Variants in OTOGL observed in about 807,000 individuals in gnomAD.
OTOGL encodes the protein otogelin like, also known as otogelin-like protein.
Under a neutral mutation model 318.5 loss-of-function variants are expected in OTOGL, and 285 were observed. The ratio of observed to expected loss-of-function variants is 0.89; its 90% confidence interval spans 0.81 to 0.99. OTOGL has a LOEUF of 0.99. OTOGL is among the 50% of genes least tolerant of loss of function. OTOGL has a pLI of 0.00. For missense variants in OTOGL, 2,899 were observed against 2,845.6 expected (o/e 1.02, Z -0.43); for synonymous variants, 987 against 936.5 (o/e 1.05, Z -0.99).
At chr12:80,364,265 A>T (rs1890399861) in intron 52 of OTOGL, among the ~76,000 whole-genome samples, 4 of 152,134 alleles carry the variant, frequency 2.6e-5, no homozygotes, top group Admixed American at 2.6e-4. Context: ...GTTCCTGAGT[A>T]CTCACTCTGA....
chr12:80,235,324 G>C (rs1190841910), intron 9 of OTOGL, among the ~76,000 whole-genome samples: 1 of 151,936 alleles, frequency 6.6e-6, no homozygotes, highest in Non-Finnish European at 1.5e-5. Context: ...AATTAGCCAG[G>C]CGTGGTGGCA....
intron 24 of OTOGL, among the ~76,000 whole-genome samples, chr12:80,272,539 T>C (rs1292261352): frequency 6.6e-6 from 1 of 151,926 alleles, no homozygotes; most frequent in Non-Finnish European, 1.5e-5. Context: ...ACATATAATC[T>C]GGCCTCCCTG....
intron 26 of OTOGL, among the ~76,000 whole-genome samples, chr12:80,290,014 G>A (rs1429933348): frequency 6.6e-6 from 1 of 152,156 alleles, no homozygotes; most frequent in Non-Finnish European, 1.5e-5. Context: ...TTGAAACCTG[G>A]GGCCCTGGTG....
chr12:80,103,337 G>A, intron 1 of OTOGL: 8 of 1,493,210 alleles, frequency 5.4e-6, no homozygotes, highest in Non-Finnish European at 7.5e-6. Context: ...ACTTCATTTT[G>A]GCCGCTCCCG....
chr12:80,219,790 C>CTTTTTTTTTTTTTTTT, intron 5 of OTOGL, 24 bp from the exon 6 acceptor site: 3 of 1,201,514 alleles, frequency 2.5e-6, no homozygotes, highest in African/African-American at 3.1e-5. Context: ...CAGAAGATAA[C>CTTTTTTTTTTTTTTTT]TTTTTTTTTT....
At chr12:80,198,992 G>T (rs536893406) in intron 1 of OTOGL, among the ~76,000 whole-genome samples, 1 of 152,090 alleles carries the variant, frequency 6.6e-6, no homozygotes, top group African/African-American at 2.4e-5. Flanking sequence ...TGTAATATGC[G>T]TGTGCATATT....
intron 42 of OTOGL, 61 bp from the exon 43 acceptor site, chr12:80,339,014 A>C: frequency 7.7e-7 from 1 of 1,295,310 alleles, no homozygotes; most frequent in Non-Finnish European, 1.1e-6. Context: ...AATAATCTGT[A>C]TTCTCCTAAT....
chr12:80,120,154 C>G (rs548101309), intron 1 of OTOGL, among the ~76,000 whole-genome samples: 1 of 151,976 alleles, frequency 6.6e-6, no homozygotes, highest in South Asian at 2.1e-4. Context: ...CAACATTTGG[C>G]CAATCATAGG....
At chr12:80,207,846 T>C (rs1257604663) in intron 1 of OTOGL, among the ~76,000 whole-genome samples, 2 of 152,212 alleles carry the variant, frequency 1.3e-5, no homozygotes, top group Non-Finnish European at 2.9e-5. Context: ...ATCTAAAATA[T>C]TTTATAGTTT....
At position 80,358,846 on chromosome 12, in the gene OTOGL, T is replaced by C. The variant is rs369903157; in HGVS notation, c.6227-14T>C. Reference sequence around the variant, plus strand: ...ATTTTGATCAATGTAAATATGTTGATTTTTGCCTTTTAGAATGTAACTGTG... The same window carrying C: ...ATTTTGATCAATGTAAATATGTTGACTTTTGCCTTTTAGAATGTAACTGTG... On this transcript the variant is annotated splice_polypyrimidine_tract_variant and intron_variant, in intron 51 of 58. Transcript: ENST00000547103. 7.5e-5 allele frequency: 115 copies of C among 1,528,000 alleles called. No individual in the cohort carries two copies. The African/African-American group carries it at 1.5e-3, about 20-fold the overall frequency. 94.7% of individuals were successfully genotyped at this position (1,528,000 alleles called of 1,614,324 possible). A position where few individuals can be genotyped will look rare whatever the true frequency, so the allele number is the denominator to read the frequency against.
intron 1 of OTOGL, among the ~76,000 whole-genome samples, chr12:80,168,882 T>C (rs1218339315): frequency 6.6e-6 from 1 of 152,192 alleles, no homozygotes; most frequent in African/African-American, 2.4e-5. Flanking sequence ...CAGATGTTAA[T>C]TAGGGTTCTG....
At chr12:80,305,042 A>G (rs1027411513) in intron 28 of OTOGL, among the ~76,000 whole-genome samples, 6 of 152,216 alleles carry the variant, frequency 3.9e-5, no homozygotes, top group African/African-American at 1.4e-4. Context: ...AAGCTGAGGC[A>G]TCAGGAAGGG....
At chr12:80,210,240 T>C (rs1015240922) in intron 2 of OTOGL, among the ~76,000 whole-genome samples, 5 of 152,086 alleles carry the variant, frequency 3.3e-5, no homozygotes, top group African/African-American at 1.2e-4. Flanking sequence ...GAAATACATA[T>C]TATATATTTT....
chr12:80,221,622 G>A (rs891753639), intron 6 of OTOGL, among the ~76,000 whole-genome samples: 8 of 151,974 alleles, frequency 5.3e-5, no homozygotes, highest in African/African-American at 1.7e-4. Flanking sequence ...TCCCAGACAC[G>A]TAAATATGAC....
chr12:80,332,958 A>G, intron 37 of OTOGL, 47 bp from the exon 38 acceptor site: 2 of 1,434,992 alleles, frequency 1.4e-6, no homozygotes, highest in African/African-American at 1.4e-5. Flanking sequence ...ATTCCATGCA[A>G]GATAAATGCA....
chr12:80,259,077 AT>A (rs909654377), intron 18 of OTOGL, among the ~76,000 whole-genome samples: 34 of 151,478 alleles, frequency 2.2e-4, no homozygotes, highest in Admixed American at 1.1e-3. Context: ...AATGTATATA[AT>A]TTTTTTTAGC....
intron 24 of OTOGL, among the ~76,000 whole-genome samples, chr12:80,272,087 A>G (rs1252013574): frequency 6.6e-6 from 1 of 152,156 alleles, no homozygotes. Flanking sequence ...GACACAATTA[A>G]TCACTCTTCA....
chr12:80,358,165 A>G, intron 49 of OTOGL, 83 bp from the exon 50 acceptor site: 1 of 877,322 alleles, frequency 1.1e-6, no homozygotes, highest in South Asian at 1.6e-5. Flanking sequence ...AATTGATTTG[A>G]TTTGTGTATG....
chr12:80,171,653 T>G lies in OTOGL; in HGVS notation c.-19-37760T>G, dbSNP rs139793876. Among the ~76,000 whole-genome samples the G allele has an allele frequency of 1.6e-4, 24 of 152,340 alleles. No homozygotes were observed. In the East Asian group the frequency reaches 4.6e-3, roughly 29 times the overall value. Reference sequence around the variant, plus strand: ...CTTTGGTTTTGAATTGTTTTGGCTATTCCATATAAATTTTACCATCAGCTT... The same window carrying G: ...CTTTGGTTTTGAATTGTTTTGGCTAGTCCATATAAATTTTACCATCAGCTT... On this transcript the variant is annotated intron_variant, in intron 1 of 58. Coordinates refer to ENST00000547103, the MANE Select transcript of OTOGL (RefSeq NM_001378609.3).
Sources: gnomAD v4.1 joint callset for allele counts (sites outside exome capture counted in the v4.1 genomes callset) on GRCh38, gnomAD v4.1.1 for gene constraint, MANE v1.5 for transcripts, NCBI Gene and HGNC (gene_info 2026-07-23, HGNC 2026-07-21) for gene names.